The following ZNF609 variants were observed in gnomAD, a reference collection of about 807,000 sequenced individuals.
ZNF609 encodes the protein zinc finger protein 609.
A neutral mutation model predicts 109.5 loss-of-function variants in ZNF609; 11 were observed. The observed-to-expected ratio is 0.10, with a 90% CI of 0.06 to 0.17. The LOEUF is 0.17. Ranked by LOEUF, ZNF609 falls within the 10% of genes least tolerant of loss-of-function variation. ZNF609 has a pLI of 1.00. For missense variants in ZNF609, 1,559 were observed against 1,772.4 expected (o/e 0.88, Z 2.16); for synonymous variants, 646 against 662.0 (o/e 0.98, Z 0.37).
intron 2 of ZNF609, among the ~76,000 whole-genome samples, chr15:64,506,714 CTG>C (rs1437986672): frequency 2.2e-5 from 2 of 92,342 alleles, no homozygotes; most frequent in East Asian, 7.5e-4. Context: ...GAGCAAAACT[CTG>C]TCTCAAGAAA....
chr15:64,621,182 C>CT (rs1255754919), intron 2 of ZNF609, among the ~76,000 whole-genome samples: 1 of 152,196 alleles, frequency 6.6e-6, no homozygotes, highest in Non-Finnish European at 1.5e-5. Context: ...TAGTATCATA[C>CT]TTAATCTTCG....
chr15:64,624,187 T>A (rs1184069955), intron 3 of ZNF609, among the ~76,000 whole-genome samples: 1 of 152,258 alleles, frequency 6.6e-6, no homozygotes, highest in Non-Finnish European at 1.5e-5. Flanking sequence ...CATCTTCAGC[T>A]TTCAGAATAA....
chr15:64,624,313 G>T (rs1222399328), intron 3 of ZNF609, among the ~76,000 whole-genome samples: 1 of 152,112 alleles, frequency 6.6e-6, no homozygotes, highest in South Asian at 2.1e-4. Context: ...TATACAATCT[G>T]AAAATCACAA....
Position 64,675,836 on chromosome 15 carries a change from T to C in ZNF609, c.2982T>C (p.Leu994=). The C allele has an allele frequency of 1.9e-6, 3 of 1,614,092 alleles. No individual in the cohort carries two copies. Among genetic ancestry groups the C allele is most frequent in the Non-Finnish European group, 2.5e-6 (3 of 1,180,010 alleles). Residue 994 remains leucine, a synonymous_variant, in exon 5 of 10, where the codon CTT becomes CTC. Transcript: ENST00000326648. ...GYSDQSYHTH[L]LSTNTAYRQQ... ...GCGACCAGAGTTACCACACCCACCT[T>C]CTGAGCACTAACACGGCTTACCGGC...
At chr15:64,483,418 A>G (rs1221435199) in intron 1 of ZNF609, among the ~76,000 whole-genome samples, 2 of 146,514 alleles carry the variant, frequency 1.4e-5, no homozygotes, top group African/African-American at 5.1e-5. Context: ...GCAAGTTCTT[A>G]CCCTGTCAGC....
chr15:64,493,804 G>T (rs187927321), intron 1 of ZNF609, among the ~76,000 whole-genome samples: 1 of 152,336 alleles, frequency 6.6e-6, no homozygotes, highest in East Asian at 1.9e-4. Context: ...CAAGAGGTCA[G>T]TGCTTTTCGT....
rs201678172 is a variant in ZNF609 at position 64,674,722 on chromosome 15, C to T, written c.1868C>T (p.Ala623Val). ...GTGATGGATGAAACAAGCAATGATG[C>T]CTTTGATTCTTTAGAAAGGAAGTGT... ...PSVMDETSND[A>V]FDSLERKCME... The change falls in exon 5 of 10, where the codon GCC becomes GTC. Residue 623 changes from alanine to valine, a missense_variant. Physicochemically the swap from Ala to Val is moderately conservative, Grantham distance 64. Transcript: ENST00000326648. 1 of 1,614,044 alleles carries T rather than the reference C, an allele frequency of 6.2e-7. No individual in the cohort carries two copies. The highest frequency in any genetic ancestry group is 8.5e-7 in the Non-Finnish European group (1 of 1,180,010).
chr15:64,478,845 A>G (rs72741348), intron 1 of ZNF609, among the ~76,000 whole-genome samples: 6 of 152,286 alleles, frequency 3.9e-5, no homozygotes, highest in South Asian at 2.1e-4. Flanking sequence ...CTCCCTACCT[A>G]TGCTTAAGTA....
intron 2 of ZNF609, among the ~76,000 whole-genome samples, chr15:64,578,509 A>G (rs966705038): frequency 6.6e-6 from 1 of 152,110 alleles, no homozygotes; most frequent in South Asian, 2.1e-4. Flanking sequence ...CCTGACCAAC[A>G]TGGTGAATCC....
chr15:64,499,957 G>C lies in ZNF609; in HGVS notation c.538G>C (p.Glu180Gln). Residue 180 changes from glutamate to glutamine, a missense_variant, in exon 2 of 10, where the codon GAA becomes CAA. This residue lies in a region of ZNF609 where 291 missense variants were observed against 317.8 expected (regional missense o/e 0.92). Transcript: ENST00000326648. Reference protein sequence around the residue: ...ERSEGVGTCSEKDPGVLQPVP... With the variant: ...ERSEGVGTCSQKDPGVLQPVP... ...AAGCGAAGGAGTGGGGACTTGTTCA[G>C]AAAAGGATCCTGGGGTCCTCCAGCC... is the stretch of plus-strand genomic sequence containing the variant. The C allele has an allele frequency of 6.2e-7, 1 of 1,614,126 alleles. No individual in the cohort carries two copies. The highest frequency in any genetic ancestry group is 8.5e-7 in the Non-Finnish European group (1 of 1,180,010).
At chr15:64,593,285 C>T in intron 2 of ZNF609, 1 of 1,493,648 alleles carries the variant, frequency 6.7e-7, no homozygotes, top group Non-Finnish European at 9.2e-7. Context: ...CCGATTTAGA[C>T]CTGCGGGTGC....
intron 2 of ZNF609, among the ~76,000 whole-genome samples, chr15:64,539,678 A>G (rs1894216586): frequency 6.6e-6 from 1 of 151,958 alleles, no homozygotes; most frequent in East Asian, 1.9e-4. Flanking sequence ...TAATTTTTGT[A>G]TTTTTAGTAG....
intron 2 of ZNF609, among the ~76,000 whole-genome samples, chr15:64,615,396 G>T (rs1205613004): frequency 6.6e-6 from 1 of 151,828 alleles, no homozygotes; most frequent in African/African-American, 2.4e-5. Context: ...TCTGTCCTTG[G>T]CCTCCCAAAG....
chr15:64,666,900 G>A (rs1373671199), intron 3 of ZNF609, among the ~76,000 whole-genome samples: 15 of 151,868 alleles, frequency 9.9e-5, no homozygotes, highest in Non-Finnish European at 7.4e-5. Flanking sequence ...AGGCCGAGGC[G>A]GGCGGATCAT....
At chr15:64,649,212 T>C (rs557894369) in intron 3 of ZNF609, among the ~76,000 whole-genome samples, 1 of 152,292 alleles carries the variant, frequency 6.6e-6, no homozygotes, top group Non-Finnish European at 1.5e-5. Flanking sequence ...AATTTAGTCA[T>C]ATTGGTGGTT....
intron 3 of ZNF609, among the ~76,000 whole-genome samples, chr15:64,646,404 G>T (rs555365408): frequency 9.0e-4 from 137 of 152,078 alleles, no homozygotes; most frequent in Non-Finnish European, 1.7e-3. Context: ...GCCGAGGTGG[G>T]TGGATCAGCA....
At chr15:64,517,777 TTA>T (rs1893834934) in intron 2 of ZNF609, among the ~76,000 whole-genome samples, 1 of 150,976 alleles carries the variant, frequency 6.6e-6, no homozygotes, top group African/African-American at 2.4e-5. Context: ...TAAATAAAAA[TTA>T]TACATATATA....
At chr15:64,550,874 T>C (rs1346832636) in intron 2 of ZNF609, among the ~76,000 whole-genome samples, 1 of 150,776 alleles carries the variant, frequency 6.6e-6, no homozygotes, top group Non-Finnish European at 1.5e-5. Context: ...GATTTGCAAA[T>C]ATTTTCTCCC....
At chr15:64,554,911 A>G (rs761204799) in intron 2 of ZNF609, among the ~76,000 whole-genome samples, 28 of 151,836 alleles carry the variant, frequency 1.8e-4, no homozygotes, top group Non-Finnish European at 3.1e-4. Flanking sequence ...AGCCTGGCCA[A>G]CATGCTGAAA....
Sources: allele counts gnomAD v4.1 joint callset (sites outside exome capture counted in the v4.1 genomes callset), GRCh38; gene constraint gnomAD v4.1.1; regional missense constraint gnomAD v4.1.1; transcripts MANE v1.5; gene names NCBI Gene and HGNC (gene_info 2026-07-23, HGNC 2026-07-21).